IQSEC3: variants seen among roughly 807,000 people sequenced by gnomAD.
IQSEC3 encodes the protein IQ motif and Sec7 domain ArfGEF 3.
IQSEC3 carries 50 observed loss-of-function variants against 105.4 expected under a neutral mutation model. The observed-to-expected ratio is 0.47, with a 90% CI of 0.38 to 0.60. The LOEUF (loss-of-function observed/expected upper bound fraction) is 0.60. Ranked by LOEUF, IQSEC3 falls within the 20% of genes least tolerant of loss-of-function variation. IQSEC3 has a pLI of 0.00. For synonymous variants in IQSEC3, 708 were observed against 746.0 expected (o/e 0.95, Z 0.83); for missense variants, 1,415 against 1,630.0 (o/e 0.87, Z 2.27).
intron 5 of IQSEC3, among the ~76,000 whole-genome samples, chr12:154,378 G>C (rs1253412565): frequency 6.6e-6 from 1 of 152,198 alleles, no homozygotes; most frequent in Non-Finnish European, 1.5e-5. Context: ...ACCATTGCAG[G>C]GTGAGACCTG....
chr12:81,884 C>G (rs750043265), intron 1 of IQSEC3, among the ~76,000 whole-genome samples: 2 of 152,160 alleles, frequency 1.3e-5, no homozygotes, highest in Non-Finnish European at 2.9e-5. Flanking sequence ...ACCTAGTGTT[C>G]TGGCAAAGAG....
chr12:170,292 G>A (rs4980806), intron 12 of IQSEC3, among the ~76,000 whole-genome samples: 128,709 of 152,190 alleles, frequency 0.85, 54,652 homozygotes, highest in East Asian at 1. Flanking sequence ...TCAGCTGTGT[G>A]TCATTCCCTG....
chr12:156,483 G>A (rs1219514880), intron 5 of IQSEC3, among the ~76,000 whole-genome samples: 3 of 151,646 alleles, frequency 2.0e-5, no homozygotes, highest in Non-Finnish European at 2.9e-5. Flanking sequence ...GGGCAGCTGT[G>A]GGGAGCTGGG....
intron 1 of IQSEC3, among the ~76,000 whole-genome samples, chr12:97,057 A>C (rs1304245252): frequency 6.6e-6 from 1 of 152,234 alleles, no homozygotes; most frequent in Non-Finnish European, 1.5e-5. Flanking sequence ...CCTATTTACT[A>C]GTAAGCATCT....
intron 1 of IQSEC3, among the ~76,000 whole-genome samples, chr12:72,406 C>T (rs1271979785): frequency 6.8e-6 from 1 of 146,932 alleles, no homozygotes; most frequent in Non-Finnish European, 1.5e-5. Context: ...TGAATTTACA[C>T]CCCATGTAAA....
intron 1 of IQSEC3, among the ~76,000 whole-genome samples, chr12:71,773 G>T (rs1863328929): frequency 6.6e-6 from 1 of 152,270 alleles, no homozygotes; most frequent in Non-Finnish European, 1.5e-5. Context: ...AGGCCTGGTT[G>T]CTGAGGTGGC....
intron 1 of IQSEC3, among the ~76,000 whole-genome samples, chr12:71,684 C>A (rs1255893462): frequency 6.6e-6 from 1 of 152,274 alleles, no homozygotes; most frequent in African/African-American, 2.4e-5. Context: ...CATCCTAAGT[C>A]CCTACCCATG....
intron 1 of IQSEC3, among the ~76,000 whole-genome samples, chr12:71,083 C>T (rs377177251): frequency 9.8e-5 from 15 of 152,384 alleles, no homozygotes; most frequent in African/African-American, 2.4e-4. Context: ...AACACAAAAT[C>T]AATCTTGAGT....
chr12:120,652 A>G (rs1482294644), intron 2 of IQSEC3, among the ~76,000 whole-genome samples: 4 of 152,128 alleles, frequency 2.6e-5, no homozygotes, highest in African/African-American at 9.7e-5. Flanking sequence ...TTCTGTTCCA[A>G]CACACAGGTC....
At chr12:95,211 T>C (rs1339738013) in intron 1 of IQSEC3, among the ~76,000 whole-genome samples, 14 of 152,234 alleles carry the variant, frequency 9.2e-5, no homozygotes, top group African/African-American at 3.4e-4. Flanking sequence ...TGTAGGTAAA[T>C]GACTTCTCCA....
At chr12:135,820 A>G (rs1389180807) in intron 3 of IQSEC3, among the ~76,000 whole-genome samples, 1 of 152,246 alleles carries the variant, frequency 6.6e-6, no homozygotes, top group African/African-American at 2.4e-5. Context: ...GAATTGTGCC[A>G]ACAAGAGCGA....
chr12:172,919 AG>A (rs1227526076), intron 13 of IQSEC3, among the ~76,000 whole-genome samples: 2 of 152,110 alleles, frequency 1.3e-5, no homozygotes, highest in Non-Finnish European at 2.9e-5. Context: ...TGTGGCCCAG[AG>A]GGGGCGCGGC....
chr12:101,798 C>T (rs1864430754), intron 2 of IQSEC3, among the ~76,000 whole-genome samples: 1 of 152,140 alleles, frequency 6.6e-6, no homozygotes, highest in Non-Finnish European at 1.5e-5. Flanking sequence ...TACGTGTTTG[C>T]TCTTGGCTTC....
intron 1 of IQSEC3, among the ~76,000 whole-genome samples, chr12:68,533 T>C (rs2136850471): frequency 6.6e-6 from 1 of 152,372 alleles, no homozygotes; most frequent in East Asian, 1.9e-4. Flanking sequence ...TTCTCTCCTC[T>C]GTACTGGAAA....
intron 6 of IQSEC3, 76 bp from the exon 7 acceptor site, chr12:157,452 C>A: frequency 6.8e-7 from 1 of 1,471,332 alleles, no homozygotes; most frequent in Non-Finnish European, 9.2e-7. Flanking sequence ...ACCCCCTGGA[C>A]ACCCCCTTCC....
At position 128,965 on chromosome 12, in the gene IQSEC3, G is replaced by A. The variant is rs199645398; in HGVS notation, c.903+3053G>A. Among the ~76,000 whole-genome samples the A allele has an allele frequency of 1.4e-4, 21 of 152,270 alleles. No individual in the cohort carries two copies. The East Asian group carries it at 3.3e-3, about 24-fold the overall frequency. On this transcript the variant is annotated intron_variant, in intron 3 of 13. Coordinates refer to ENST00000538872, the MANE Select transcript of IQSEC3 (RefSeq NM_001170738.2). Reference sequence around the variant, plus strand: ...TCCAGCCGTTCCTATTTGCTGTCCCGAATCTCAAGCCACCCTCACCTCTGG... The same window carrying A: ...TCCAGCCGTTCCTATTTGCTGTCCCAAATCTCAAGCCACCCTCACCTCTGG...
intron 1 of IQSEC3, among the ~76,000 whole-genome samples, chr12:88,966 T>C (rs1273178317): frequency 2.0e-5 from 3 of 152,212 alleles, no homozygotes; most frequent in Non-Finnish European, 2.9e-5. Flanking sequence ...TAGTTTCATA[T>C]TCAAGTCTTG....
intron 2 of IQSEC3, among the ~76,000 whole-genome samples, chr12:114,608 A>C (rs1287947527): frequency 6.6e-6 from 1 of 152,254 alleles, no homozygotes; most frequent in Non-Finnish European, 1.5e-5. Context: ...ACAGGCTCAG[A>C]GAGGAGATTT....
chr12:175,194 C>A lies in IQSEC3; in HGVS notation c.*161C>A. 1.6e-6 allele frequency: 1 copy of A among 610,392 alleles called. No homozygotes were observed. The highest frequency in any genetic ancestry group is 2.3e-5 in the South Asian group (1 of 44,050). The allele number at this position is 610,392 out of a possible 1,614,324, so 37.8% of individuals were successfully genotyped here. On this transcript the variant is annotated 3_prime_UTR_variant, in exon 14 of 14. Transcript: ENST00000538872. ...TCCCTGGCACCTGGGTTTGCCTCAT[C>A]CAACCATCCTTCCCTTTCTCAGCTG...
Sources: gnomAD v4.1 joint callset for allele counts (sites outside exome capture counted in the v4.1 genomes callset) on GRCh38, gnomAD v4.1.1 for gene constraint, MANE v1.5 for transcripts, NCBI Gene and HGNC (gene_info 2026-07-23, HGNC 2026-07-21) for gene names.